UBE2K: variants seen among roughly 807,000 people sequenced by gnomAD.
UBE2K encodes the protein ubiquitin-conjugating enzyme E2 K.
Under a neutral mutation model 30.0 loss-of-function variants are expected in UBE2K, and 6 were observed. The observed-to-expected ratio is 0.20, with a 90% CI of 0.11 to 0.39. The LOEUF (loss-of-function observed/expected upper bound fraction) is 0.39. UBE2K is among the 10% of genes least tolerant of loss of function. The pLI is 1.00. For synonymous variants in UBE2K, 86 were observed against 83.7 expected (o/e 1.03, Z -0.15); for missense variants, 61 against 241.6 (o/e 0.25, Z 4.96).
At chr4:39,730,403 C>G (rs1355480607) in intron 1 of UBE2K, among the ~76,000 whole-genome samples, 1 of 152,062 alleles carries the variant, frequency 6.6e-6, no homozygotes, top group Non-Finnish European at 1.5e-5. Flanking sequence ...CCAGGCGGGT[C>G]TTAAGCTCCT....
chr4:39,752,510 G>A (rs1721322956), intron 3 of UBE2K, among the ~76,000 whole-genome samples: 1 of 151,666 alleles, frequency 6.6e-6, no homozygotes, highest in African/African-American at 2.4e-5. Context: ...CTAATTTTTT[G>A]TATTTTTAGT....
chr4:39,742,930 C>CAGTT (rs1321350322), intron 2 of UBE2K, among the ~76,000 whole-genome samples: 20 of 151,996 alleles, frequency 1.3e-4, no homozygotes, highest in African/African-American at 4.6e-4. Flanking sequence ...CCTGTAAACC[C>CAGTT]AGTTACTCAG....
chr4:39,700,380 G>C (rs1345000055), intron 1 of UBE2K, among the ~76,000 whole-genome samples: 1 of 152,002 alleles, frequency 6.6e-6, no homozygotes. Context: ...TGTTTTTGTT[G>C]TTTGTTTGTT....
Position 39,745,742 on chromosome 4 carries a change from A to G in UBE2K, c.158-10A>G, listed in dbSNP as rs780795822. On this transcript the variant is annotated splice_polypyrimidine_tract_variant and intron_variant, in intron 2 of 6. Transcript: ENST00000261427. ...CAGCATTCTTAACTTTGTTTTCCCC[A>G]TTTTTTTAGGAGGAAGATACCAACT... The G allele has an allele frequency of 5.0e-6, 8 of 1,594,722 alleles. No homozygotes were observed. The highest frequency in any genetic ancestry group is 4.5e-5 in the East Asian group (2 of 44,448).
At chr4:39,764,331 A>G (rs1490880096) in intron 4 of UBE2K, among the ~76,000 whole-genome samples, 1 of 152,188 alleles carries the variant, frequency 6.6e-6, no homozygotes, top group Non-Finnish European at 1.5e-5. Context: ...GAAAAGTGAC[A>G]ACGTTTTCTC....
chr4:39,744,250 G>A (rs1720864711), intron 2 of UBE2K, among the ~76,000 whole-genome samples: 1 of 152,042 alleles, frequency 6.6e-6, no homozygotes, highest in South Asian at 2.1e-4. Context: ...TGGGCTCACT[G>A]CAAGCTCCGC....
At chr4:39,752,518 A>G (rs934210467) in intron 3 of UBE2K, among the ~76,000 whole-genome samples, 3 of 151,706 alleles carry the variant, frequency 2.0e-5, no homozygotes, top group Admixed American at 1.3e-4. Context: ...TTGTATTTTT[A>G]GTAGAGACGG....
intron 1 of UBE2K, among the ~76,000 whole-genome samples, chr4:39,703,844 C>CAAAAAA (rs33995934): frequency 5.7e-5 from 6 of 105,228 alleles, no homozygotes; most frequent in Non-Finnish European, 1.0e-4. Context: ...GACTCCATCT[C>CAAAAAA]AAAAAAAAAA....
chr4:39,717,230 TTTTC>T (rs1254325795), intron 1 of UBE2K, among the ~76,000 whole-genome samples: 32 of 151,972 alleles, frequency 2.1e-4, no homozygotes, highest in African/African-American at 7.0e-4. Context: ...CCAGCTTTTC[TTTTC>T]TTTCTTTTTT....
Position 39,757,321 on chromosome 4 carries a change from C to T in UBE2K, c.299+1582C>T, listed in dbSNP as rs543528867. 7.2e-5 allele frequency among the ~76,000 whole-genome samples: 11 copies of T among 152,058 alleles called. 1 individual carries two copies. The South Asian group carries it at 1.5e-3, about 20-fold the overall frequency. The stretch of plus-strand genomic sequence containing the variant: ...GATTACAGGCATGAGCCACCACACC[C>T]GGCCTAAGCTATGTGATTGATTTGT... On this transcript the variant is annotated intron_variant, in intron 4 of 6. Coordinates refer to ENST00000261427, the MANE Select transcript of UBE2K (RefSeq NM_005339.5).
In UBE2K at chr4:39,714,550, A is replaced by ATATATATATT; in HGVS notation, c.63+16161_63+16162insATATATATTT. The ATATATATATT allele has an allele frequency of 4.5e-4, 8 of 17,850 alleles. 1 individual carries two copies. The highest frequency in any genetic ancestry group is 1.2e-3 in the African/African-American group (5 of 4,060). The allele number at this position is 17,850 out of a possible 1,614,324, so 1.1% of individuals were successfully genotyped here. A position where few individuals can be genotyped will look rare whatever the true frequency, so the allele number is the denominator to read the frequency against. On this transcript the variant is annotated intron_variant, in intron 1 of 6. Coordinates refer to ENST00000261427, the MANE Select transcript of UBE2K (RefSeq NM_005339.5). The stretch of plus-strand genomic sequence containing the variant: ...TATATATATATATATATATATATAT[A>ATATATATATT]TTTTTTTTTTTTTTTAAGACTGAGT...
chr4:39,724,473 A>G (rs1719616104), intron 1 of UBE2K, among the ~76,000 whole-genome samples: 1 of 148,048 alleles, frequency 6.8e-6, no homozygotes. Context: ...TGGGCCGGGC[A>G]TGGTGGCTCA....
intron 6 of UBE2K, 105 bp downstream of exon 6, chr4:39,777,915 C>T: frequency 8.8e-7 from 1 of 1,137,804 alleles, no homozygotes; most frequent in Middle Eastern, 2.4e-4. Flanking sequence ...AATTCGCAGC[C>T]TGGGCAACAT....
chr4:39,708,243 G>A (rs113160720), intron 1 of UBE2K, among the ~76,000 whole-genome samples: 3,200 of 152,094 alleles, frequency 0.021, 80 homozygotes, highest in Non-Finnish European at 0.031. Context: ...ACATGAATTG[G>A]AACTATGGAA....
At chr4:39,719,871 A>C (rs951695623) in intron 1 of UBE2K, among the ~76,000 whole-genome samples, 1 of 152,210 alleles carries the variant, frequency 6.6e-6, no homozygotes, top group African/African-American at 2.4e-5. Flanking sequence ...TTGATAGTGT[A>C]CATGTGTGAG....
At chr4:39,753,173 A>C (rs1721359141) in intron 3 of UBE2K, among the ~76,000 whole-genome samples, 2 of 152,156 alleles carry the variant, frequency 1.3e-5, no homozygotes, top group Non-Finnish European at 2.9e-5. Context: ...TGGATCTCTT[A>C]AGCCCAGGAG....
In UBE2K at chr4:39,773,621, A is replaced by G. The variant is rs1428635681; in HGVS notation, c.300-1213A>G. Among the ~76,000 whole-genome samples the G allele has an allele frequency of 2.0e-5, 3 of 151,670 alleles. No homozygotes were observed. In the East Asian group the frequency reaches 5.9e-4, roughly 30 times the overall value. ...AATGGATAGAAAAATAAGTGAGTGG[A>G]TAAAACTAACAAGAAGGTGGCTGGG... On this transcript the variant is annotated intron_variant, in intron 4 of 6. Transcript: ENST00000261427.
intron 4 of UBE2K, chr4:39,770,450 C>G: frequency 6.2e-7 from 1 of 1,611,812 alleles, no homozygotes; most frequent in Non-Finnish European, 8.5e-7. Context: ...CTTCCGGGCA[C>G]TTGGTGCACT....
chr4:39,719,790 A>T (rs777184758), intron 1 of UBE2K, among the ~76,000 whole-genome samples: 2 of 152,130 alleles, frequency 1.3e-5, no homozygotes, highest in Non-Finnish European at 2.9e-5. Context: ...CACTGTAGTG[A>T]CTTAGTTTTT....
Sources: gnomAD v4.1 joint callset for allele counts (sites outside exome capture counted in the v4.1 genomes callset) on GRCh38, gnomAD v4.1.1 for gene constraint, MANE v1.5 for transcripts, NCBI Gene and HGNC (gene_info 2026-07-23, HGNC 2026-07-21) for gene names.